BICRA: variants seen among roughly 807,000 people sequenced by gnomAD.
BICRA encodes BRD4 interacting chromatin remodeling complex associated protein, also known as BRD4-interacting chromatin-remodeling complex-associated protein.
A neutral mutation model predicts 96.9 loss-of-function variants in BICRA; 31 were observed. That is an observed-to-expected ratio of 0.32 (90% CI 0.24 to 0.43). The LOEUF is 0.43. BICRA is among the 20% of genes least tolerant of loss of function. The pLI, the probability that BICRA is intolerant of heterozygous loss-of-function variation, is 1.00. For synonymous variants in BICRA, 1,350 were observed against 1,071.8 expected (o/e 1.26, Z -5.07); for missense variants, 2,283 against 2,190.3 (o/e 1.04, Z -0.84).
At chr19:47,696,810 G>A (rs1038415399) in intron 11 of BICRA, among the ~76,000 whole-genome samples, 13 of 152,056 alleles carry the variant, frequency 8.5e-5, no homozygotes, top group Non-Finnish European at 1.5e-4. Flanking sequence ...CGGCTGGGCC[G>A]CGTCGGTGCT....
At position 47,699,234 on chromosome 19, in the gene BICRA, T is replaced by TC. The variant is rs760547907; in HGVS notation, c.3493-65dup. 5.0e-5 allele frequency: 47 copies of TC among 944,862 alleles called. No individual in the cohort carries two copies. The highest frequency in any genetic ancestry group is 7.6e-5 in the Non-Finnish European group (45 of 595,046). The allele number at this position is 944,862 out of a possible 1,614,324, so 58.5% of individuals were successfully genotyped here. Reference sequence around the variant, plus strand: ...GACAGTTTGGACCTTGCACGCATCGTCCCCGTCGCTCGCGCCCCTTCCCCC... The same window carrying TC: ...GACAGTTTGGACCTTGCACGCATCGTCCCCCGTCGCTCGCGCCCCTTCCCCC... On this transcript the variant is annotated intron_variant, in intron 13 of 14. Coordinates refer to ENST00000594866, the MANE Select transcript of BICRA (RefSeq NM_001394372.1). This position sits in a 1 kb window ranked among gnomAD's most constrained non-coding sequence, Gnocchi z 5.0.
At chr19:47,667,057 C>T (rs534012010) in intron 1 of BICRA, among the ~76,000 whole-genome samples, 58 of 148,960 alleles carry the variant, frequency 3.9e-4, no homozygotes, top group African/African-American at 1.3e-3. Context: ...CTTGCTCTGT[C>T]GCCCAGGCTG....
intron 1 of BICRA, among the ~76,000 whole-genome samples, chr19:47,635,791 A>G (rs559800391): frequency 2.0e-5 from 3 of 152,198 alleles, no homozygotes; most frequent in African/African-American, 7.2e-5. Context: ...ATCCCTTTCT[A>G]AGGCTGGGTA....
intron 1 of BICRA, among the ~76,000 whole-genome samples, chr19:47,652,205 A>AT (rs1393186986): frequency 6.6e-6 from 1 of 151,772 alleles, no homozygotes; most frequent in Admixed American, 6.6e-5. Flanking sequence ...CATCTGGAGT[A>AT]TTTTTTTTGA....
At chr19:47,653,281 C>T (rs1286108842) in intron 1 of BICRA, among the ~76,000 whole-genome samples, 3 of 151,636 alleles carry the variant, frequency 2.0e-5, no homozygotes, top group African/African-American at 7.3e-5. Context: ...CCTCGGCCTC[C>T]CAAAGTGCTG....
At chr19:47,687,599 C>A (rs1278851845) in intron 7 of BICRA, among the ~76,000 whole-genome samples, 1 of 152,054 alleles carries the variant, frequency 6.6e-6, no homozygotes, top group East Asian at 1.9e-4. Context: ...AGTGTGAGAC[C>A]AGCCTGGCCA....
Position 47,690,813 on chromosome 19 carries a change from T to TGTGC in BICRA, c.2284-3301_2284-3300insTGCG, listed in dbSNP as rs1491465370. Among the ~76,000 whole-genome samples, 424 of 148,034 alleles carry TGTGC rather than the reference T, an allele frequency of 2.9e-3. 7 individuals are homozygous for TGTGC. The highest frequency in any genetic ancestry group is 0.01 in the African/African-American group (415 of 40,502). ...TGGATTGTGTGTGTGTGTGTGTGTGTGCGCACTTTTGATGAGAATGAAATT... is the reference window on the plus strand; with the variant it reads ...TGGATTGTGTGTGTGTGTGTGTGTGTGTGCGCGCACTTTTGATGAGAATGAAATT... On this transcript the variant is annotated intron_variant, in intron 7 of 14. Coordinates refer to ENST00000594866, the MANE Select transcript of BICRA (RefSeq NM_001394372.1).
chr19:47,639,103 A>G (rs186595354), intron 1 of BICRA, among the ~76,000 whole-genome samples: 2 of 152,080 alleles, frequency 1.3e-5, no homozygotes, highest in Admixed American at 1.3e-4. Flanking sequence ...TCCTGGGCTC[A>G]AGTGATCCTC....
At chr19:47,674,980 A>C (rs2123578854) in intron 4 of BICRA, among the ~76,000 whole-genome samples, 1 of 152,284 alleles carries the variant, frequency 6.6e-6, no homozygotes, top group Admixed American at 6.5e-5. Context: ...TAATTTATAG[A>C]GCAGAGGCAT....
In BICRA at chr19:47,694,379, C is replaced by T. The variant is rs1973293776; in HGVS notation, c.2548C>T (p.Pro850Ser). ...AGGCGTTCCCCCGCCTGCCAGCAAC[C>T]CGGCCCCTACTGCCCCAGGCCCGCC... is the stretch of plus-strand genomic sequence containing the variant. ...QLGVPPPASN[P>S]APTAPGPPQP... Residue 850 changes from proline (P) to serine (S), a missense_variant, in exon 8 of 15, where the codon CCG becomes TCG. Transcript: ENST00000594866. 1 of 1,234,178 alleles carries T rather than the reference C, an allele frequency of 8.1e-7. No homozygotes were observed. Among genetic ancestry groups the T allele is most frequent in the Non-Finnish European group, 1.2e-6 (1 of 858,030 alleles). The allele number at this position is 1,234,178 out of a possible 1,614,324, so 76.5% of individuals were successfully genotyped here.
chr19:47,634,902 G>A (rs1263513167), intron 1 of BICRA, among the ~76,000 whole-genome samples: 2 of 151,306 alleles, frequency 1.3e-5, no homozygotes, highest in South Asian at 2.1e-4. Flanking sequence ...AGCTGGGACT[G>A]CAGGCACCCG....
chr19:47,629,175 T>G (rs563785947), intron 1 of BICRA, among the ~76,000 whole-genome samples: 24 of 152,140 alleles, frequency 1.6e-4, no homozygotes, highest in East Asian at 1.4e-3. Context: ...CTAATTTTTT[T>G]TGTGTTTTTA....
Position 47,699,076 on chromosome 19 carries a change from C to T in BICRA, c.3492+17C>T. The T allele has an allele frequency of 6.8e-7, 1 of 1,478,622 alleles. No homozygotes were observed. The highest frequency in any genetic ancestry group is 1.7e-4 in the Middle Eastern group (1 of 5,846). 91.6% of individuals were successfully genotyped at this position (1,478,622 alleles called of 1,614,324 possible). A position where few individuals can be genotyped will look rare whatever the true frequency, so the allele number is the denominator to read the frequency against. ...GAGTCCCGGGTAGGGTCAGAGTCGC[C>T]TTCCTCGCCTCTGGGCTCCTCCTCG... is the stretch of plus-strand genomic sequence containing the variant. On this transcript the variant is annotated intron_variant, in intron 13 of 14. Coordinates refer to ENST00000594866, the MANE Select transcript of BICRA (RefSeq NM_001394372.1). This position sits in a 1 kb window ranked among gnomAD's most constrained non-coding sequence, Gnocchi z 5.0.
At position 47,698,513 on chromosome 19, in the gene BICRA, T is replaced by G. The variant is rs1973383597; in HGVS notation, c.3249-121T>G. 3 of 662,904 alleles carry G rather than the reference T, an allele frequency of 4.5e-6. No individual in the cohort carries two copies. Among genetic ancestry groups the G allele is most frequent in the Non-Finnish European group, 5.5e-6 (2 of 364,262 alleles). 41.1% of individuals were successfully genotyped at this position (662,904 alleles called of 1,614,324 possible). A position where few individuals can be genotyped will look rare whatever the true frequency, so the allele number is the denominator to read the frequency against. On this transcript the variant is annotated intron_variant, in intron 11 of 14. Transcript: ENST00000594866. This position sits in a 1 kb window ranked among gnomAD's most constrained non-coding sequence, Gnocchi z 4.8. The stretch of plus-strand genomic sequence containing the variant: ...ACATGGGAACACCACTGCCCAAGTA[T>G]TCCCCTTCCCGCTGTTGTGTTCAGT...
chr19:47,682,271 A>G lies in BICRA; in HGVS notation c.2283+119A>G, dbSNP rs548568946. ...TCTCTGTTCTGCTGACTTGGAACAC[A>G]GAGCTCTCCTTCACCCCCCAAGTGT... On this transcript the variant is annotated intron_variant, in intron 7 of 14. Transcript: ENST00000594866. 60 of 574,714 alleles carry G rather than the reference A, an allele frequency of 1.0e-4. 1 individual carries two copies. In the South Asian group the frequency reaches 1.3e-3, roughly 12 times the overall value. The allele number at this position is 574,714 out of a possible 1,614,324, so 35.6% of individuals were successfully genotyped here.
At chr19:47,617,941 T>C (rs1164379656) in intron 1 of BICRA, among the ~76,000 whole-genome samples, 1 of 152,234 alleles carries the variant, frequency 6.6e-6, no homozygotes, top group Non-Finnish European at 1.5e-5. Flanking sequence ...CTCCAGAGTC[T>C]GTCCTGTTCT....
intron 1 of BICRA, among the ~76,000 whole-genome samples, chr19:47,613,949 A>C (rs1160802675): frequency 6.6e-6 from 1 of 151,730 alleles, no homozygotes; most frequent in Non-Finnish European, 1.5e-5. Flanking sequence ...GAGTGTTGGC[A>C]CAAGCAGAGA....
chr19:47,685,368 C>T (rs1374086649), intron 7 of BICRA, among the ~76,000 whole-genome samples: 2 of 152,106 alleles, frequency 1.3e-5, no homozygotes, highest in South Asian at 2.1e-4. Flanking sequence ...CACAGAGGCT[C>T]GGAGGCACAA....
intron 7 of BICRA, among the ~76,000 whole-genome samples, chr19:47,686,399 G>A (rs1032436668): frequency 4.0e-5 from 6 of 151,364 alleles, no homozygotes; most frequent in African/African-American, 1.2e-4. Flanking sequence ...GGGTTAGCGG[G>A]GAGGCATGGA....
Sources: gnomAD v4.1 joint callset for allele counts (sites outside exome capture counted in the v4.1 genomes callset) on GRCh38, gnomAD v4.1.1 for gene constraint, Gnocchi (gnomAD v3.1) non-coding constraint, MANE v1.5 for transcripts, NCBI Gene and HGNC (gene_info 2026-07-23, HGNC 2026-07-21) for gene names.